FSTL5: variants seen among roughly 807,000 people sequenced by gnomAD.
FSTL5 encodes follistatin-related protein 5.
In FSTL5, 62 loss-of-function variants were observed where a neutral mutation model predicts 89.1. That is an observed-to-expected ratio of 0.70 (90% CI 0.57 to 0.86). The LOEUF is 0.86. Among genes scored for constraint, FSTL5 ranks in the 40% least tolerant of loss-of-function variants. The pLI, the probability that FSTL5 is intolerant of heterozygous loss-of-function variation, is 0.00. For missense variants in FSTL5, 1,057 were observed against 1,001.6 expected, an observed-to-expected ratio of 1.06 and a Z score of -0.75; for synonymous variants, 383 against 346.2, an observed-to-expected ratio of 1.11 and a Z score of -1.18.
intron 4 of FSTL5, among the ~76,000 whole-genome samples, chr4:161,857,961 A>G (rs971093299): frequency 6.6e-6 from 1 of 152,144 alleles, no homozygotes; most frequent in Non-Finnish European, 1.5e-5. Context: ...TGTTCTGGGC[A>G]ACAATTTAAG....
At chr4:161,604,953 T>C (rs891876280) in intron 7 of FSTL5, among the ~76,000 whole-genome samples, 1 of 152,182 alleles carries the variant, frequency 6.6e-6, no homozygotes, top group Non-Finnish European at 1.5e-5. Context: ...TATTATTGTA[T>C]AGGAGTTATT....
intron 15 of FSTL5, chr4:161,388,503 C>T (rs1355169114): frequency 6.6e-6 from 1 of 151,968 alleles, no homozygotes; most frequent in Non-Finnish European, 1.5e-5. Context: ...ATCATAAGTA[C>T]CACTATGTAA....
intron 10 of FSTL5, among the ~76,000 whole-genome samples, chr4:161,515,079 A>G (rs561936441): frequency 2.0e-5 from 3 of 152,278 alleles, no homozygotes; most frequent in Admixed American, 6.5e-5. Context: ...CTTAAAAATT[A>G]TATATATTGT....
chr4:161,939,852 A>T (rs563315823), intron 3 of FSTL5, among the ~76,000 whole-genome samples: 1 of 152,058 alleles, frequency 6.6e-6, no homozygotes, highest in African/African-American at 2.4e-5. Context: ...AAACACCAAA[A>T]AGTCAAGCAT....
chr4:161,871,767 A>T (rs1272628351), intron 4 of FSTL5, among the ~76,000 whole-genome samples: 1 of 152,156 alleles, frequency 6.6e-6, no homozygotes, highest in Non-Finnish European at 1.5e-5. Flanking sequence ...ATGAGTAAGC[A>T]ACAGATTTGA....
At chr4:162,130,133 G>A (rs1414187323) in intron 1 of FSTL5, among the ~76,000 whole-genome samples, 1 of 152,142 alleles carries the variant, frequency 6.6e-6, no homozygotes, top group East Asian at 1.9e-4. Context: ...TGCCATCCCT[G>A]TGCACTTGAT....
intron 6 of FSTL5, among the ~76,000 whole-genome samples, chr4:161,686,697 A>G (rs938199788): frequency 1.1e-4 from 17 of 151,976 alleles, no homozygotes; most frequent in Non-Finnish European, 1.3e-4. Context: ...CCTTCTGTAG[A>G]TGCAAAATAC....
intron 6 of FSTL5, among the ~76,000 whole-genome samples, chr4:161,657,178 T>C (rs1736548433): frequency 1.3e-5 from 2 of 152,212 alleles, no homozygotes; most frequent in Non-Finnish European, 2.9e-5. Flanking sequence ...ATTTGAAATC[T>C]GCATATGGCT....
intron 6 of FSTL5, among the ~76,000 whole-genome samples, chr4:161,671,897 T>C (rs1364357982): frequency 6.6e-6 from 1 of 152,112 alleles, no homozygotes; most frequent in African/African-American, 2.4e-5. Context: ...TCTCTCTTCT[T>C]AACATCCGAT....
chr4:161,638,790 C>G (rs1260405056), intron 7 of FSTL5, among the ~76,000 whole-genome samples: 318 of 133,256 alleles, frequency 2.4e-3, no homozygotes, highest in African/African-American at 8.7e-3. Flanking sequence ...CATCAAAAAG[C>G]TTATCCACCA....
chr4:161,480,621 T>G (rs1265645725), intron 13 of FSTL5, among the ~76,000 whole-genome samples: 2 of 152,194 alleles, frequency 1.3e-5, no homozygotes, highest in Non-Finnish European at 2.9e-5. Flanking sequence ...CCTACAATTG[T>G]CTTGGTCTTT....
At chr4:161,936,415 T>G (rs1189199923) in intron 3 of FSTL5, among the ~76,000 whole-genome samples, 1 of 152,098 alleles carries the variant, frequency 6.6e-6, no homozygotes, top group African/African-American at 2.4e-5. Flanking sequence ...CTAAAAATAC[T>G]TTAAAATAGA....
At chr4:162,078,468 G>A (rs1729956692) in intron 2 of FSTL5, among the ~76,000 whole-genome samples, 1 of 151,850 alleles carries the variant, frequency 6.6e-6, no homozygotes, top group Admixed American at 6.6e-5. Flanking sequence ...GGTACAAGAT[G>A]AGATAGATAT....
At chr4:161,532,891 T>C (rs1248685151) in intron 10 of FSTL5, among the ~76,000 whole-genome samples, 4 of 151,824 alleles carry the variant, frequency 2.6e-5, no homozygotes, top group African/African-American at 9.7e-5. Context: ...TCAAACCACA[T>C]TGCAAAGAAA....
Position 161,500,067 on chromosome 4 carries a change from T to C in FSTL5, c.1407A>G (p.Glu469=). ...EDGIKVIQPI[E]CEFQRHIKPS... is the part of the protein sequence containing the mutation. ...GCTTAATGTGCCTCTGAAATTCACA[T>C]TCTATGGGTTGTATCACTTTGATTC... The change falls in exon 12 of 16, where the codon GAA becomes GAG. Residue 469 remains glutamate, a synonymous_variant. Coordinates refer to ENST00000306100, the MANE Select transcript of FSTL5 (RefSeq NM_020116.5). 6.2e-7 allele frequency: 1 copy of C among 1,611,308 alleles called. No individual in the cohort carries two copies. Among genetic ancestry groups the C allele is most frequent in the Non-Finnish European group, 8.5e-7 (1 of 1,178,366 alleles).
intron 2 of FSTL5, among the ~76,000 whole-genome samples, chr4:162,086,321 C>T (rs1478120275): frequency 1.3e-5 from 2 of 151,826 alleles, no homozygotes; most frequent in East Asian, 3.9e-4. Context: ...CTTTCTCCCT[C>T]TTCCTATCTT....
At chr4:161,489,058 A>T (rs998688286) in intron 12 of FSTL5, among the ~76,000 whole-genome samples, 1 of 152,184 alleles carries the variant, frequency 6.6e-6, no homozygotes, top group African/African-American at 2.4e-5. Flanking sequence ...CTCTGCTTAA[A>T]TGTAAAATGT....
At chr4:162,031,934 T>C (rs1012245805) in intron 3 of FSTL5, among the ~76,000 whole-genome samples, 1 of 152,018 alleles carries the variant, frequency 6.6e-6, no homozygotes, top group Non-Finnish European at 1.5e-5. Context: ...CGAGACTCCA[T>C]GTCAAAAAAA....
intron 11 of FSTL5, among the ~76,000 whole-genome samples, chr4:161,504,385 T>C (rs1036484080): frequency 2.0e-5 from 3 of 151,924 alleles, no homozygotes; most frequent in Admixed American, 6.6e-5. Context: ...TGTGGTGAAG[T>C]ATATTACAAA....
Sources: gnomAD v4.1 joint callset for allele counts (sites outside exome capture counted in the v4.1 genomes callset) on GRCh38, gnomAD v4.1.1 for gene constraint, MANE v1.5 for transcripts, NCBI Gene and HGNC (gene_info 2026-07-23, HGNC 2026-07-21) for gene names.